The following TMOD2 variants were observed in gnomAD, a reference collection of about 807,000 sequenced individuals.
TMOD2 encodes the protein tropomodulin 2.
A neutral mutation model predicts 39.9 loss-of-function variants in TMOD2; 22 were observed. The observed-to-expected ratio is 0.55, with a 90% CI of 0.39 to 0.79. The LOEUF is 0.79. Among genes scored for constraint, TMOD2 ranks in the 30% least tolerant of loss-of-function variants. TMOD2 has a pLI of 0.00. For missense variants in TMOD2, 386 were observed against 413.3 expected (o/e 0.93, Z 0.57); for synonymous variants, 123 against 146.1 (o/e 0.84, Z 1.14).
chr15:51,763,974 G>A (rs16964506), intron 1 of TMOD2, among the ~76,000 whole-genome samples: 4,813 of 152,154 alleles, frequency 0.032, 120 homozygotes, highest in Non-Finnish European at 0.05. Flanking sequence ...GTGTGATGCA[G>A]TAAGTTAGTG....
intron 1 of TMOD2, among the ~76,000 whole-genome samples, chr15:51,762,829 CATT>C (rs749246213): frequency 1.3e-5 from 2 of 152,178 alleles, no homozygotes; most frequent in African/African-American, 2.4e-5. Flanking sequence ...TTCTTTCTCT[CATT>C]ATAATTATTT....
Position 51,813,848 on chromosome 15 carries a change from G to A in TMOD2, c.*5394G>A, listed in dbSNP as rs1330667470. The stretch of plus-strand genomic sequence containing the variant: ...ACTGGAAAGCGCCGTACAAATGTGA[G>A]AGATCAGTTTTATTATCAAATCACT... On this transcript the variant is annotated 3_prime_UTR_variant, in exon 10 of 10. Coordinates refer to ENST00000249700, the MANE Select transcript of TMOD2 (RefSeq NM_014548.4). 1 of 152,228 alleles carries A rather than the reference G, an allele frequency of 6.6e-6. No individual in the cohort carries two copies. The highest frequency in any genetic ancestry group is 2.4e-5 in the African/African-American group (1 of 41,464). The allele number at this position is 152,228 out of a possible 1,614,324, so 9.4% of individuals were successfully genotyped here. A position where few individuals can be genotyped will look rare whatever the true frequency, so the allele number is the denominator to read the frequency against.
intron 9 of TMOD2, 134 bp downstream of exon 9, chr15:51,806,655 T>C: frequency 1.0e-6 from 1 of 962,144 alleles, no homozygotes; most frequent in Non-Finnish European, 1.6e-6. Context: ...TAAGACGCAT[T>C]ATTATAATAC....
chr15:51,755,210 C>T (rs776243546), intron 1 of TMOD2, among the ~76,000 whole-genome samples: 3 of 152,172 alleles, frequency 2.0e-5, no homozygotes, highest in Admixed American at 1.3e-4. Context: ...AAATGAGATG[C>T]GCTCTTCTGC....
intron 5 of TMOD2, 33 bp downstream of exon 5, chr15:51,777,051 G>A (rs766295002): frequency 1.3e-5 from 20 of 1,592,796 alleles, no homozygotes; most frequent in Non-Finnish European, 1.5e-5. Flanking sequence ...GTTTTGTAAA[G>A]CTTTGGAGCC....
intron 6 of TMOD2, among the ~76,000 whole-genome samples, 196 bp downstream of exon 6, chr15:51,781,370 C>G (rs2055928499): frequency 6.6e-6 from 1 of 152,224 alleles, no homozygotes; most frequent in South Asian, 2.1e-4. Context: ...AATCACCATA[C>G]CTGAGTTAAG....
At chr15:51,768,199 A>G in intron 2 of TMOD2, 63 bp from the exon 3 acceptor site, 1 of 1,587,494 alleles carries the variant, frequency 6.3e-7, no homozygotes, top group African/African-American at 1.3e-5. Context: ...GGGGTGGAAG[A>G]GGAAGTAGCA....
intron 5 of TMOD2, among the ~76,000 whole-genome samples, chr15:51,780,207 A>C (rs1290216216): frequency 2.6e-5 from 4 of 152,220 alleles, no homozygotes; most frequent in African/African-American, 9.6e-5. Context: ...GAACATGCAC[A>C]TCTTAAATTG....
At position 51,812,055 on chromosome 15, in the gene TMOD2, G is replaced by C. The variant is rs945854630; in HGVS notation, c.*3601G>C. Reference sequence around the variant, plus strand: ...TAAAGATCATCAAATACCATAATGGGGTATTTGGCTTCATCTGGAAAATTG... The same window carrying C: ...TAAAGATCATCAAATACCATAATGGCGTATTTGGCTTCATCTGGAAAATTG... On this transcript the variant is annotated 3_prime_UTR_variant, in exon 10 of 10. Coordinates refer to ENST00000249700, the MANE Select transcript of TMOD2 (RefSeq NM_014548.4). 4 of 151,830 alleles carry C rather than the reference G, an allele frequency of 2.6e-5. No individual in the cohort carries two copies. Among genetic ancestry groups the C allele is most frequent in the African/African-American group, 9.7e-5 (4 of 41,298 alleles). 9.4% of individuals were successfully genotyped at this position (151,830 alleles called of 1,614,324 possible).
At chr15:51,779,943 A>G (rs2055918487) in intron 5 of TMOD2, among the ~76,000 whole-genome samples, 1 of 152,120 alleles carries the variant, frequency 6.6e-6, no homozygotes. Context: ...CAGTCCCCCA[A>G]AGTGCTGGGA....
chr15:51,794,840 C>T (rs1220474235), intron 7 of TMOD2, among the ~76,000 whole-genome samples: 3 of 152,124 alleles, frequency 2.0e-5, no homozygotes, highest in Non-Finnish European at 2.9e-5. Context: ...TCTTCCACTT[C>T]CAAATTGTAG....
intron 7 of TMOD2, 25 bp from the exon 8 acceptor site, chr15:51,798,172 G>GTT: frequency 6.4e-7 from 1 of 1,562,812 alleles, no homozygotes; most frequent in Non-Finnish European, 8.6e-7. Context: ...TTAATTCTAA[G>GTT]TTTTTTTTCT....
chr15:51,765,048 G>A (rs2055807522), intron 1 of TMOD2, among the ~76,000 whole-genome samples: 1 of 151,888 alleles, frequency 6.6e-6, no homozygotes, highest in Non-Finnish European at 1.5e-5. Context: ...TGTCACCCAG[G>A]CTGGAGTGCA....
intron 8 of TMOD2, 91 bp downstream of exon 8, chr15:51,798,431 T>A: frequency 6.9e-7 from 1 of 1,440,324 alleles, no homozygotes; most frequent in Non-Finnish European, 9.5e-7. Context: ...AAGACACAGT[T>A]CTGTGTGTGA....
intron 5 of TMOD2, among the ~76,000 whole-genome samples, chr15:51,778,114 T>C (rs1358940820): frequency 6.6e-6 from 1 of 151,166 alleles, no homozygotes; most frequent in Non-Finnish European, 1.5e-5. Flanking sequence ...TAGACTGGAT[T>C]AAGAAAATGT....
intron 5 of TMOD2, among the ~76,000 whole-genome samples, chr15:51,779,742 A>C (rs2055916738): frequency 6.6e-6 from 1 of 151,814 alleles, no homozygotes; most frequent in African/African-American, 2.4e-5. Flanking sequence ...ATCCAGTGTC[A>C]CTACCAAGGC....
chr15:51,780,744 A>C (rs550753769), intron 5 of TMOD2, among the ~76,000 whole-genome samples: 1 of 152,334 alleles, frequency 6.6e-6, no homozygotes, highest in African/African-American at 2.4e-5. Flanking sequence ...CATATGGAGC[A>C]GCAATAACGG....
chr15:51,759,198 T>C (rs2055762533), intron 1 of TMOD2, among the ~76,000 whole-genome samples: 1 of 124,312 alleles, frequency 8.0e-6, no homozygotes, highest in Non-Finnish European at 1.8e-5. Context: ...AGAGAGAAGA[T>C]GTTAAGGATG....
chr15:51,768,521 G>A (rs777110954), intron 3 of TMOD2, 103 bp downstream of exon 3: 44 of 1,190,640 alleles, frequency 3.7e-5, no homozygotes, highest in African/African-American at 6.2e-5. Flanking sequence ...TTTTATTGTC[G>A]TGGAGGATCA....
Sources: gnomAD v4.1 joint callset for allele counts (sites outside exome capture counted in the v4.1 genomes callset) on GRCh38, gnomAD v4.1.1 for gene constraint, MANE v1.5 for transcripts, NCBI Gene and HGNC (gene_info 2026-07-23, HGNC 2026-07-21) for gene names.